Variants in DAB1 observed in about 807,000 individuals in gnomAD.
DAB1 encodes disabled homolog 1.
A neutral mutation model predicts 64.6 loss-of-function variants in DAB1; 15 were observed. That is an observed-to-expected ratio of 0.23 (90% CI 0.16 to 0.36). The LOEUF (loss-of-function observed/expected upper bound fraction) is 0.36. Among genes scored for constraint, DAB1 ranks in the 10% least tolerant of loss-of-function variants. DAB1 has a pLI of 1.00. For synonymous variants in DAB1, 235 were observed against 251.9 expected (o/e 0.93, Z 0.64); for missense variants, 596 against 706.7 (o/e 0.84, Z 1.78).
intron 5 of DAB1, among the ~76,000 whole-genome samples, chr1:57,973,625 C>T (rs912155633): frequency 7.3e-6 from 1 of 137,688 alleles, no homozygotes. Flanking sequence ...ACCATCTACC[C>T]TGTGACTCAA....
chr1:58,093,589 G>A (rs546754299), intron 5 of DAB1, among the ~76,000 whole-genome samples: 1 of 151,694 alleles, frequency 6.6e-6, no homozygotes, highest in South Asian at 2.1e-4. Flanking sequence ...AACCATCCCT[G>A]CCCACCCTGC....
chr1:58,077,911 CAAGCTG>C (rs2100586373), intron 5 of DAB1: 1 of 152,308 alleles, frequency 6.6e-6, no homozygotes, highest in African/African-American at 2.4e-5. Flanking sequence ...GGCTCTGAGC[CAAGCTG>C]TGCTCGAGTC....
intron 5 of DAB1, among the ~76,000 whole-genome samples, chr1:57,941,125 C>CA (rs1199924317): frequency 2.0e-5 from 3 of 152,216 alleles, no homozygotes; most frequent in African/African-American, 7.2e-5. Context: ...AGTGACCCCT[C>CA]AACATCCCAG....
chr1:56,999,108 A>G (rs1340002760), intron 14 of DAB1, among the ~76,000 whole-genome samples: 12 of 145,836 alleles, frequency 8.2e-5, no homozygotes, highest in Admixed American at 4.8e-4. Flanking sequence ...GCCTTGTCAT[A>G]TAGGTTCTTA....
intron 4 of DAB1, among the ~76,000 whole-genome samples, chr1:58,157,117 C>T (rs958781936): frequency 2.6e-5 from 4 of 152,162 alleles, no homozygotes; most frequent in Admixed American, 1.3e-4. Context: ...CAAAAGCCTT[C>T]CCTTTCCTCC....
chr1:58,248,858 T>G (rs1660673482), intron 4 of DAB1, among the ~76,000 whole-genome samples: 1 of 152,162 alleles, frequency 6.6e-6, no homozygotes, highest in East Asian at 1.9e-4. Context: ...TGTCTTCCTT[T>G]TGCACCCATT....
chr1:57,199,624 AG>A (rs1664927632), intron 2 of DAB1, among the ~76,000 whole-genome samples: 1 of 152,206 alleles, frequency 6.6e-6, no homozygotes, highest in South Asian at 2.1e-4. Flanking sequence ...GATCATCTGC[AG>A]GGAAATGAAG....
chr1:58,186,201 G>C (rs754920723), intron 4 of DAB1, among the ~76,000 whole-genome samples: 1 of 152,146 alleles, frequency 6.6e-6, no homozygotes, highest in African/African-American at 2.4e-5. Context: ...CTTCAAGCCT[G>C]AGTGCAGCAG....
At chr1:57,013,059 G>A (rs1008834168) in intron 12 of DAB1, among the ~76,000 whole-genome samples, 8 of 152,206 alleles carry the variant, frequency 5.3e-5, no homozygotes, top group African/African-American at 1.2e-4. Context: ...GGGGATATAC[G>A]TTTCTCTCAT....
intron 1 of DAB1, among the ~76,000 whole-genome samples, chr1:58,536,107 T>C (rs1295518509): frequency 1.3e-5 from 2 of 152,000 alleles, no homozygotes; most frequent in East Asian, 1.9e-4. Flanking sequence ...AAAAGTACAG[T>C]ATGCAGAGAA....
chr1:57,450,982 C>T (rs1448706547), intron 7 of DAB1, among the ~76,000 whole-genome samples: 1 of 152,198 alleles, frequency 6.6e-6, no homozygotes, highest in Non-Finnish European at 1.5e-5. Context: ...TTCTTTTATG[C>T]TCTTAAAACA....
chr1:57,068,446 T>C (rs1651137139), intron 8 of DAB1, among the ~76,000 whole-genome samples: 1 of 152,142 alleles, frequency 6.6e-6, no homozygotes, highest in South Asian at 2.1e-4. Flanking sequence ...TAGAATTCTA[T>C]GCATTTGACA....
Position 57,587,606 on chromosome 1 carries a change from TCC to T in DAB1, n.625+61984_625+61985del, listed in dbSNP as rs201749144. 2.6e-5 allele frequency among the ~76,000 whole-genome samples: 4 copies of T among 152,348 alleles called. No homozygotes were observed. In the East Asian group the frequency reaches 7.7e-4, roughly 29 times the overall value. On this transcript the variant is annotated intron_variant and non_coding_transcript_variant, in intron 7 of 20. Transcript: ENST00000485760. Reference sequence around the variant, plus strand: ...TTACCACAAGGTTATAATAGTCATCTCCATGATGAAGATATGATTTTAAAGGG... The same window carrying T: ...TTACCACAAGGTTATAATAGTCATCTATGATGAAGATATGATTTTAAAGGG...
chr1:57,244,024 A>C (rs1365385381), intron 2 of DAB1, among the ~76,000 whole-genome samples: 2 of 152,122 alleles, frequency 1.3e-5, no homozygotes, highest in Non-Finnish European at 2.9e-5. Flanking sequence ...TATTTCCTCT[A>C]TCCAGAATGT....
intron 5 of DAB1, among the ~76,000 whole-genome samples, chr1:58,071,387 T>C (rs1267065246): frequency 4.6e-5 from 7 of 150,670 alleles, no homozygotes; most frequent in African/African-American, 7.4e-5. Flanking sequence ...TGTGTGTGTG[T>C]GTGTGTGTGT....
chr1:58,074,564 G>GTGTGTA (rs1332531604), intron 5 of DAB1: 10 of 91,638 alleles, frequency 1.1e-4, no homozygotes, highest in Admixed American at 6.5e-4. Context: ...ATATATGTGT[G>GTGTGTA]TATATATATA....
intron 4 of DAB1, among the ~76,000 whole-genome samples, chr1:57,102,056 A>G (rs1654727564): frequency 6.6e-6 from 1 of 152,176 alleles, no homozygotes; most frequent in Non-Finnish European, 1.5e-5. Flanking sequence ...CTTGCTCTCA[A>G]TGAGCTTGCA....
chr1:58,220,567 G>A (rs941788736), intron 4 of DAB1, among the ~76,000 whole-genome samples: 2 of 152,124 alleles, frequency 1.3e-5, no homozygotes, highest in African/African-American at 4.8e-5. Flanking sequence ...TTACAGATGT[G>A]TAAGTATAGA....
chr1:58,107,265 C>G (rs1448664545), intron 5 of DAB1, among the ~76,000 whole-genome samples: 1 of 146,202 alleles, frequency 6.8e-6, no homozygotes, highest in Non-Finnish European at 1.5e-5. Context: ...TTGAGATCAG[C>G]TTGGCTAACA....
Sources: gnomAD v4.1 joint callset for allele counts (sites outside exome capture counted in the v4.1 genomes callset) on GRCh38, gnomAD v4.1.1 for gene constraint, MANE v1.5 for transcripts, NCBI Gene and HGNC (gene_info 2026-07-23, HGNC 2026-07-21) for gene names.